PRKG1: variants seen among roughly 807,000 people sequenced by gnomAD.
PRKG1 encodes the protein cGMP-dependent protein kinase 1.
PRKG1 carries 35 observed loss-of-function variants against 88.1 expected under a neutral mutation model. The observed-to-expected ratio is 0.40, with a 90% confidence interval of 0.30 to 0.53. The LOEUF (loss-of-function observed/expected upper bound fraction) is 0.53, where lower values mean the gene tolerates loss of function less well. Ranked by LOEUF, PRKG1 falls within the 20% of genes least tolerant of loss-of-function variation. The pLI is 0.59. For synonymous variants in PRKG1, 303 were observed against 292.5 expected (o/e 1.04, Z -0.37); for missense variants, 540 against 839.8 (o/e 0.64, Z 4.41).
intron 3 of PRKG1, among the ~76,000 whole-genome samples, chr10:51,706,584 C>T (rs1841610019): frequency 6.6e-6 from 1 of 151,932 alleles, no homozygotes; most frequent in Non-Finnish European, 1.5e-5. Context: ...AGACCAGGCT[C>T]AAATGTCCAG....
intron 3 of PRKG1, among the ~76,000 whole-genome samples, chr10:51,565,811 G>A (rs1056481236): frequency 1.3e-5 from 2 of 151,928 alleles, no homozygotes; most frequent in Non-Finnish European, 1.5e-5. Context: ...AAAAAAAAAT[G>A]CATCAGCTAT....
intron 5 of PRKG1, among the ~76,000 whole-genome samples, chr10:52,018,393 A>G (rs1273414869): frequency 6.6e-6 from 1 of 152,174 alleles, no homozygotes; most frequent in East Asian, 1.9e-4. Flanking sequence ...TAGGTTTTTT[A>G]TGTCCATTTT....
chr10:51,040,231 T>TG (rs1208390331), intron 1 of PRKG1, among the ~76,000 whole-genome samples: 5 of 101,406 alleles, frequency 4.9e-5, no homozygotes, highest in Middle Eastern at 4.0e-3. Flanking sequence ...TTCCATTCCA[T>TG]TTGTGTGTGT....
At chr10:52,052,967 C>T (rs1846025882) in intron 5 of PRKG1, among the ~76,000 whole-genome samples, 1 of 152,198 alleles carries the variant, frequency 6.6e-6, no homozygotes, top group African/African-American at 2.4e-5. Context: ...AAGTGGACCA[C>T]TGCCATTTTG....
intron 3 of PRKG1, among the ~76,000 whole-genome samples, chr10:51,546,467 T>C (rs1353807045): frequency 6.6e-6 from 1 of 152,110 alleles, no homozygotes; most frequent in South Asian, 2.1e-4. Flanking sequence ...AATATGTGTG[T>C]GTGTCCTGTA....
chr10:52,196,817 CAAAACCTCTTTG>C, intron 9 of PRKG1, among the ~76,000 whole-genome samples: 1 of 152,118 alleles, frequency 6.6e-6, no homozygotes. Context: ...ATCCATATTT[CAAAACCTCTTTG>C]AAATAAGTTA....
intron 10 of PRKG1, among the ~76,000 whole-genome samples, chr10:52,262,395 C>A (rs1252490388): frequency 6.6e-6 from 1 of 152,054 alleles, no homozygotes; most frequent in African/African-American, 2.4e-5. Flanking sequence ...CCTCAGCCTC[C>A]TGAGTAGCTG....
At chr10:52,166,791 A>ATATATATATG (rs748533502) in intron 9 of PRKG1, among the ~76,000 whole-genome samples, 2 of 36,874 alleles carry the variant, frequency 5.4e-5, no homozygotes, top group Non-Finnish European at 9.9e-5. Context: ...AAAAGCCTAT[A>ATATATATATG]TATATACATA....
intron 4 of PRKG1, among the ~76,000 whole-genome samples, chr10:51,858,082 ATATAT>A (rs1486447517): frequency 4.6e-5 from 3 of 64,946 alleles, no homozygotes; most frequent in Non-Finnish European, 2.9e-5. Context: ...CATATATATA[ATATAT>A]ATTATATATA....
At chr10:51,490,368 C>A (rs569426935) in intron 3 of PRKG1, among the ~76,000 whole-genome samples, 8 of 152,188 alleles carry the variant, frequency 5.3e-5, no homozygotes, top group African/African-American at 1.9e-4. Context: ...TACTATAATG[C>A]AGCAACATAA....
chr10:51,077,808 C>T (rs1268549982), intron 1 of PRKG1, among the ~76,000 whole-genome samples: 1 of 152,186 alleles, frequency 6.6e-6, no homozygotes, highest in Non-Finnish European at 1.5e-5. Context: ...CTGTATTCCA[C>T]TGCTACCAAA....
At position 51,467,853 on chromosome 10, in the gene PRKG1, A is replaced by G; in HGVS notation, c.592+17A>G. ...CCGTCAAGAGTAAGACTATTTTCAT[A>G]TTTTTAAAATATTTTCAATGTCTTT... On this transcript the variant is annotated intron_variant, in intron 3 of 17. Transcript: ENST00000373980. 1 of 1,581,042 alleles carries G rather than the reference A, an allele frequency of 6.3e-7. No homozygotes were observed. Among genetic ancestry groups the G allele is most frequent in the Non-Finnish European group, 8.7e-7 (1 of 1,150,438 alleles).
intron 7 of PRKG1, among the ~76,000 whole-genome samples, chr10:52,106,606 C>T (rs1847428459): frequency 6.6e-6 from 1 of 151,588 alleles, no homozygotes; most frequent in African/African-American, 2.4e-5. Context: ...TTAAGACATG[C>T]AGTATAAATG....
At chr10:51,275,641 A>T (rs538830995) in intron 2 of PRKG1, among the ~76,000 whole-genome samples, 17 of 152,220 alleles carry the variant, frequency 1.1e-4, no homozygotes, top group Non-Finnish European at 2.4e-4. Context: ...TAACGAGCAC[A>T]TATCAATAAG....
chr10:52,163,599 A>C (rs898139625), intron 9 of PRKG1, among the ~76,000 whole-genome samples: 8 of 152,044 alleles, frequency 5.3e-5, no homozygotes, highest in African/African-American at 1.4e-4. Context: ...TAGAACTCCT[A>C]TTTATTCCAC....
At chr10:51,078,592 A>ATTTT (rs1844026205) in intron 1 of PRKG1, among the ~76,000 whole-genome samples, 1 of 40,204 alleles carries the variant, frequency 2.5e-5, no homozygotes, top group African/African-American at 1.3e-4. Flanking sequence ...ATTTATTTAT[A>ATTTT]TTTATTTATT....
chr10:51,464,727 T>TAA (rs1429623784), intron 2 of PRKG1, among the ~76,000 whole-genome samples: 1 of 150,680 alleles, frequency 6.6e-6, no homozygotes, highest in Non-Finnish European at 1.5e-5. Context: ...CCGTCTCTAC[T>TAA]AAAAATACAA....
chr10:51,747,415 C>T (rs928836552), intron 3 of PRKG1, among the ~76,000 whole-genome samples: 8 of 152,148 alleles, frequency 5.3e-5, no homozygotes, highest in South Asian at 2.1e-4. Flanking sequence ...ACCATTTGCT[C>T]ATGTTCTGCC....
chr10:51,387,459 T>G (rs1438850921), intron 2 of PRKG1, among the ~76,000 whole-genome samples: 5 of 151,842 alleles, frequency 3.3e-5, no homozygotes, highest in Admixed American at 3.3e-4. Context: ...TCATTTTTCT[T>G]TGGCTATAAA....
Sources: gnomAD v4.1 joint callset for allele counts (sites outside exome capture counted in the v4.1 genomes callset) on GRCh38, gnomAD v4.1.1 for gene constraint, MANE v1.5 for transcripts, NCBI Gene and HGNC (gene_info 2026-07-23, HGNC 2026-07-21) for gene names.